The following NCBP3 variants were observed in gnomAD, a reference collection of about 807,000 sequenced individuals.
NCBP3 encodes nuclear cap binding subunit 3.
In NCBP3, 20 loss-of-function variants were observed where a neutral mutation model predicts 75.7. That is an observed-to-expected ratio of 0.26 (90% confidence interval 0.19 to 0.38). The LOEUF is 0.38. Among genes scored for constraint, NCBP3 ranks in the 10% least tolerant of loss-of-function variants. NCBP3 has a pLI of 1.00. For synonymous variants in NCBP3, 293 were observed against 290.5 expected, an observed-to-expected ratio of 1.01 and a Z score of -0.09; for missense variants, 678 against 796.9, an observed-to-expected ratio of 0.85 and a Z score of 1.80.
chr17:3,816,655 G>A (rs756807205), intron 10 of NCBP3, among the ~76,000 whole-genome samples: 1 of 152,230 alleles, frequency 6.6e-6, no homozygotes, highest in Non-Finnish European at 1.5e-5. Flanking sequence ...TCTCTTTAAA[G>A]GGCAGACTTC....
intron 3 of NCBP3, among the ~76,000 whole-genome samples, chr17:3,833,013 G>C (rs980443033): frequency 3.9e-5 from 6 of 152,146 alleles, no homozygotes; most frequent in African/African-American, 1.4e-4. Context: ...ACTTTGGGAG[G>C]CTGAGGTGGG....
intron 2 of NCBP3, among the ~76,000 whole-genome samples, chr17:3,841,104 G>T (rs1173497180): frequency 6.6e-6 from 1 of 152,138 alleles, no homozygotes; most frequent in African/African-American, 2.4e-5. Flanking sequence ...AGCCTCCTGA[G>T]TAGCTGGGAC....
At chr17:3,821,139 C>T (rs1032521319) in intron 9 of NCBP3, 110 bp downstream of exon 9, 13 of 735,394 alleles carry the variant, frequency 1.8e-5, no homozygotes, top group Non-Finnish European at 2.8e-5. Context: ...AGGGTGAGGG[C>T]AAGGAAGAGA....
chr17:3,845,759 G>A (rs1242279522), intron 1 of NCBP3, among the ~76,000 whole-genome samples: 1 of 152,074 alleles, frequency 6.6e-6, no homozygotes, highest in East Asian at 1.9e-4. Flanking sequence ...CTTGCACAGC[G>A]CGGCTCAGAG....
Position 3,826,067 on chromosome 17 carries a change from T to G in NCBP3, c.610+20A>C, listed in dbSNP as rs910199607. 3 of 1,548,084 alleles carry G rather than the reference T, an allele frequency of 1.9e-6. No homozygotes were observed. In the African/African-American group the frequency reaches 4.1e-5, roughly 21 times the overall value. On this transcript the variant is annotated intron_variant, in intron 5 of 12. Transcript: ENST00000389005. ...AAGAAGAGGACTTTCAGACCCCAGT[T>G]CCCTCCTTTGTGTTGTTACCTTTTT...
At chr17:3,823,238 G>A (rs944874336) in intron 7 of NCBP3, among the ~76,000 whole-genome samples, 2 of 151,700 alleles carry the variant, frequency 1.3e-5, no homozygotes, top group African/African-American at 4.8e-5. Context: ...TTGAACCCAG[G>A]AGGCAGAGGT....
In NCBP3 at chr17:3,812,378, T is replaced by C. The variant is rs1182820340; in HGVS notation, c.*666A>G. 1 of 422,950 alleles carries C rather than the reference T, an allele frequency of 2.4e-6. No homozygotes were observed. Among genetic ancestry groups the C allele is most frequent in the Admixed American group, 6.4e-5 (1 of 15,596 alleles). The allele number at this position is 422,950 out of a possible 1,614,324, so 26.2% of individuals were successfully genotyped here. ...CGTCACAGTTTTTTGTTCCTAAAAA[T>C]CCCACAGCACTGAACTTGATCTTCA... On this transcript the variant is annotated 3_prime_UTR_variant, in exon 13 of 13. Coordinates refer to ENST00000389005, the MANE Select transcript of NCBP3 (RefSeq NM_001114118.3).
intron 1 of NCBP3, among the ~76,000 whole-genome samples, chr17:3,844,003 C>T (rs1359944539): frequency 6.6e-6 from 1 of 152,162 alleles, no homozygotes; most frequent in Non-Finnish European, 1.5e-5. Flanking sequence ...CCATCAACTC[C>T]AAGTATCCAT....
At chr17:3,820,089 T>A (rs544630706) in intron 9 of NCBP3, among the ~76,000 whole-genome samples, 20 of 152,206 alleles carry the variant, frequency 1.3e-4, no homozygotes, top group African/African-American at 4.6e-4. Context: ...GGACCACAGG[T>A]ATGTGCCATC....
In NCBP3 at chr17:3,821,974, T is replaced by G; in HGVS notation, c.875A>C (p.Lys292Thr). 1 of 1,611,972 alleles carries G rather than the reference T, an allele frequency of 6.2e-7. No homozygotes were observed. Among genetic ancestry groups the G allele is most frequent in the Non-Finnish European group, 8.5e-7 (1 of 1,178,478 alleles). ...KYGNPNYGGMKGILSNSWKRR... is the reference protein window; with the variant it reads ...KYGNPNYGGMTGILSNSWKRR... ...TCACCATGAATTGCTAAGAATTCCT[T>G]TCATGCCTCCATAATTTGGATTCCC... is the stretch of plus-strand genomic sequence containing the variant. The change falls in exon 8 of 13, where the codon AAA (lysine) becomes ACA (threonine). Residue 292 changes from lysine to threonine, a missense_variant. Physicochemically the swap from Lys to Thr is moderately conservative, Grantham distance 78. Around this residue, in one of 7 missense-constraint regions of NCBP3, gnomAD observed 38 missense variants for 78.9 expected, o/e 0.48. Transcript: ENST00000389005.
Position 3,818,351 on chromosome 17 carries a change from G to A in NCBP3, c.1222C>T (p.Leu408=). The change falls in exon 10 of 13, where the codon CTG becomes TTG. Residue 408 remains leucine, a synonymous_variant. Coordinates refer to ENST00000389005, the MANE Select transcript of NCBP3 (RefSeq NM_001114118.3). This position sits in a 1 kb window ranked among gnomAD's most constrained non-coding sequence, Gnocchi z 4.7. ...GGTGAAGGCGTGGAAATCATTTTCA[G>A]TTCTAGATCATAGTCCATTTCATCT... The part of the protein sequence containing the change: ...DSDEMDYDLE[L]KMISTPSPKK... 1.9e-6 allele frequency: 3 copies of A among 1,614,134 alleles called. No homozygotes were observed. The highest frequency in any genetic ancestry group is 1.7e-5 in the Admixed American group (1 of 60,008).
chr17:3,840,250 C>T (rs564350410), intron 2 of NCBP3, 45 bp from the exon 3 acceptor site: 27 of 1,480,440 alleles, frequency 1.8e-5, no homozygotes, highest in East Asian at 2.5e-5. Flanking sequence ...ATGGAGAAGG[C>T]GAGTTAAATC....
intron 8 of NCBP3, among the ~76,000 whole-genome samples, 163 bp from the exon 9 acceptor site, chr17:3,821,515 T>A (rs900572547): frequency 1.3e-5 from 2 of 152,064 alleles, no homozygotes; most frequent in Non-Finnish European, 2.9e-5. Context: ...CTTTGCCTCT[T>A]GGGTTCAAGC....
At chr17:3,827,129 G>C (rs902743786) in intron 4 of NCBP3, among the ~76,000 whole-genome samples, 10 of 152,034 alleles carry the variant, frequency 6.6e-5, no homozygotes, top group African/African-American at 2.2e-4. Context: ...GGAGGGAAAA[G>C]AAAGAAAAGG....
At position 3,818,533 on chromosome 17, in the gene NCBP3, T is replaced by G; in HGVS notation, c.1040A>C (p.Glu347Ala). The change falls in exon 10 of 13, where the codon GAA becomes GCA. Residue 347 changes from glutamate (E) to alanine (A), a missense_variant. Coordinates refer to ENST00000389005, the MANE Select transcript of NCBP3 (RefSeq NM_001114118.3). The surrounding 1 kb of genome is among the most constrained non-coding windows in gnomAD (Gnocchi z 4.7). ...TTCCTCTTCCTCCTCCTCCTCCTCTTCCTCCTCTTCAATGGGTTCCTCGGG... is the reference window on the plus strand; with the variant it reads ...TTCCTCTTCCTCCTCCTCCTCCTCTGCCTCCTCTTCAATGGGTTCCTCGGG... ...NVPEEPIEEE[E>A]EEEEEEEEEE... is the part of the protein sequence containing the mutation. The G allele has an allele frequency of 6.2e-7, 1 of 1,609,952 alleles. No individual in the cohort carries two copies. The highest frequency in any genetic ancestry group is 8.5e-7 in the Non-Finnish European group (1 of 1,179,928).
At chr17:3,814,142 C>T (rs187771406) in intron 12 of NCBP3, among the ~76,000 whole-genome samples, 180 bp downstream of exon 12, 1 of 152,246 alleles carries the variant, frequency 6.6e-6, no homozygotes, top group African/African-American at 2.4e-5. Context: ...TCTAAGCGTT[C>T]CTAACTGTTG....
intron 1 of NCBP3, among the ~76,000 whole-genome samples, chr17:3,844,895 T>C (rs895963731): frequency 6.6e-6 from 1 of 152,132 alleles, no homozygotes; most frequent in Non-Finnish European, 1.5e-5. Flanking sequence ...GATCGCGCCA[T>C]TGCGTTCCAG....
chr17:3,845,664 C>T (rs2054149920), intron 1 of NCBP3, among the ~76,000 whole-genome samples: 1 of 152,208 alleles, frequency 6.6e-6, no homozygotes. Flanking sequence ...CGCCACCCAA[C>T]AGCTCCTTCT....
chr17:3,829,409 G>A (rs1358074758), intron 3 of NCBP3, 41 bp from the exon 4 acceptor site: 3 of 1,545,912 alleles, frequency 1.9e-6, no homozygotes, highest in African/African-American at 1.4e-5. Flanking sequence ...GAATTTTCCT[G>A]TCCGCAACTG....
Sources: allele counts gnomAD v4.1 joint callset (sites outside exome capture counted in the v4.1 genomes callset), GRCh38; gene constraint gnomAD v4.1.1; regional missense constraint gnomAD v4.1.1; non-coding constraint Gnocchi (gnomAD v3.1); transcripts MANE v1.5; gene names NCBI Gene and HGNC (gene_info 2026-07-23, HGNC 2026-07-21).